VPS35L: variants seen among roughly 807,000 people sequenced by gnomAD.
VPS35L encodes VPS35 endosomal protein sorting factor like.
Under a neutral mutation model 133.0 loss-of-function variants are expected in VPS35L, and 83 were observed. The ratio of observed to expected loss-of-function variants is 0.62; its 90% confidence interval spans 0.52 to 0.75. The LOEUF (loss-of-function observed/expected upper bound fraction) is 0.75. Among genes scored for constraint, VPS35L ranks in the 30% least tolerant of loss-of-function variants. VPS35L has a pLI of 0.00. For synonymous variants in VPS35L, 423 were observed against 449.9 expected, an observed-to-expected ratio of 0.94 and a Z score of 0.76; for missense variants, 1,083 against 1,206.8, an observed-to-expected ratio of 0.90 and a Z score of 1.52.
At chr16:19,681,402 G>A (rs1232816100) in intron 27 of VPS35L, among the ~76,000 whole-genome samples, 1 of 152,172 alleles carries the variant, frequency 6.6e-6, no homozygotes, top group Admixed American at 6.5e-5. Flanking sequence ...CTGCCGCTGC[G>A]GGTTCCAATC....
At chr16:19,629,858 A>AT in intron 18 of VPS35L, 38 bp downstream of exon 18, 1 of 1,590,186 alleles carries the variant, frequency 6.3e-7, no homozygotes, top group African/African-American at 1.3e-5. Context: ...AAAGAATTAG[A>AT]TTTTTTCATG....
At position 19,669,213 on chromosome 16, in the gene VPS35L, A is replaced by C; in HGVS notation, c.2275A>C (p.Ile759Leu). 1 of 1,613,136 alleles carries C rather than the reference A, an allele frequency of 6.2e-7. No individual in the cohort carries two copies. The highest frequency in any genetic ancestry group is 2.2e-5 in the East Asian group (1 of 44,868). ...CCTTGTTCCGGAAGTTCCAAAGATG[A>C]TTAATATTGATGGGAAGATGCGGCC... is the stretch of plus-strand genomic sequence containing the variant. ...ISLVPEVPKM[I>L]NIDGKMRPSE... is the part of the protein sequence containing the mutation. The change falls in exon 27 of 31, where the codon ATT becomes CTT. Residue 759 changes from isoleucine to leucine, a missense_variant. By Grantham distance (5) the Ile-to-Leu change is conservative (BLOSUM62 2). Coordinates refer to ENST00000417362, the MANE Select transcript of VPS35L (RefSeq NM_020314.7).
At chr16:19,695,987 A>G (rs1975894270) in intron 29 of VPS35L, among the ~76,000 whole-genome samples, 1 of 151,978 alleles carries the variant, frequency 6.6e-6, no homozygotes, top group Admixed American at 6.6e-5. Flanking sequence ...CCCAGATTCA[A>G]GTGATTCTCC....
chr16:19,651,874 T>C, intron 25 of VPS35L, 102 bp from the exon 26 acceptor site: 2 of 848,918 alleles, frequency 2.4e-6, no homozygotes, highest in South Asian at 3.1e-5. Flanking sequence ...GGAGATTCAC[T>C]GTTGTAAGTT....
Position 19,699,607 on chromosome 16 carries a change from C to T in VPS35L, c.2752C>T (p.His918Tyr), listed in dbSNP as rs752436522. ...CAACCAGCTCTCCGTCAACCTGTGGCACCTGGCACAGAGGCACGGCTGTGC... is the reference window on the plus strand; with the variant it reads ...CAACCAGCTCTCCGTCAACCTGTGGTACCTGGCACAGAGGCACGGCTGTGC... ...KLNQLSVNLWHLAQRHGCADT... is the reference protein window; with the variant it reads ...KLNQLSVNLWYLAQRHGCADT... Residue 918 changes from histidine to tyrosine, a missense_variant, in exon 30 of 31, where the codon CAC (histidine) becomes TAC (tyrosine). Transcript: ENST00000417362. The surrounding 1 kb of genome is among the most constrained non-coding windows in gnomAD (Gnocchi z 4.2). 30 of 1,614,010 alleles carry T rather than the reference C, an allele frequency of 1.9e-5. No homozygotes were observed. Among genetic ancestry groups the T allele is most frequent in the Non-Finnish European group, 2.4e-5 (28 of 1,180,054 alleles).
At position 19,608,177 on chromosome 16, in the gene VPS35L, G is replaced by C; in HGVS notation, c.785-1G>C. The C allele has an allele frequency of 6.2e-7, 1 of 1,610,622 alleles. No individual in the cohort carries two copies. Among genetic ancestry groups the C allele is most frequent in the Non-Finnish European group, 8.5e-7 (1 of 1,176,970 alleles). On this transcript the variant is annotated splice_acceptor_variant, in intron 9 of 30. Transcript: ENST00000417362. LOFTEE classifies it high-confidence loss of function. ...GATGGATCTTGTTTTTTGTATTACAGATCACTTTTCTCCAGAGAATGCAAA... is the reference window on the plus strand; with the variant it reads ...GATGGATCTTGTTTTTTGTATTACACATCACTTTTCTCCAGAGAATGCAAA...
At chr16:19,656,189 A>G in intron 26 of VPS35L, among the ~76,000 whole-genome samples, 1 of 150,496 alleles carries the variant, frequency 6.6e-6, no homozygotes, top group East Asian at 2.0e-4. Context: ...GCTTGAACCC[A>G]GGAGGCAGAG....
chr16:19,682,444 G>A (rs1188063849), intron 28 of VPS35L, 54 bp downstream of exon 28: 2 of 1,547,906 alleles, frequency 1.3e-6, no homozygotes, highest in East Asian at 2.3e-5. Flanking sequence ...ATGAAAGGCA[G>A]ACAGAATGCT....
intron 2 of VPS35L, among the ~76,000 whole-genome samples, chr16:19,567,030 G>A (rs900576853): frequency 2.0e-5 from 3 of 152,044 alleles, no homozygotes; most frequent in African/African-American, 7.2e-5. Flanking sequence ...GGGATTACAG[G>A]TATGAGCCAC....
intron 8 of VPS35L, among the ~76,000 whole-genome samples, chr16:19,597,796 T>C (rs1972264221): frequency 6.6e-6 from 1 of 152,158 alleles, no homozygotes; most frequent in South Asian, 2.1e-4. Flanking sequence ...GTGTTCACTT[T>C]ATAAAAAAGG....
chr16:19,570,276 T>G (rs1185050618), intron 3 of VPS35L, among the ~76,000 whole-genome samples: 10 of 152,186 alleles, frequency 6.6e-5, no homozygotes, highest in Non-Finnish European at 1.5e-5. Context: ...TTGACCAGGC[T>G]GGTCTTGAAC....
At chr16:19,645,064 A>G (rs1208462573) in intron 23 of VPS35L, 115 bp downstream of exon 23, 1 of 645,380 alleles carries the variant, frequency 1.5e-6, no homozygotes, top group African/African-American at 1.9e-5. Context: ...TCTTAGTGAG[A>G]TAAAATGAAA....
intron 27 of VPS35L, among the ~76,000 whole-genome samples, chr16:19,672,804 A>G (rs1974921501): frequency 6.6e-6 from 1 of 152,242 alleles, no homozygotes; most frequent in Non-Finnish European, 1.5e-5. Context: ...GTGAGAAGGC[A>G]AAAGAAAAAA....
chr16:19,628,682 C>G lies in VPS35L; in HGVS notation c.1429C>G (p.Pro477Ala). 3 of 1,604,676 alleles carry G rather than the reference C, an allele frequency of 1.9e-6. No individual in the cohort carries two copies. The highest frequency in any genetic ancestry group is 1.7e-6 in the Non-Finnish European group (2 of 1,174,032). Residue 477 changes from proline (P) to alanine (A), a missense_variant, in exon 17 of 31, where the codon CCT (proline) becomes GCT (alanine). By Grantham distance (27) the Pro-to-Ala change is conservative. Coordinates refer to ENST00000417362, the MANE Select transcript of VPS35L (RefSeq NM_020314.7). ...SLGLNLALADPPESDRLQILN... is the reference protein window; with the variant it reads ...SLGLNLALADAPESDRLQILN... Reference sequence around the variant, plus strand: ...GGGATTAAACTTGGCCTTGGCTGATCCTCCTGAGAGTGACCGACTTCAGAT... The same window carrying G: ...GGGATTAAACTTGGCCTTGGCTGATGCTCCTGAGAGTGACCGACTTCAGAT...
chr16:19,568,361 A>C (rs7500037), intron 2 of VPS35L, among the ~76,000 whole-genome samples: 27,434 of 149,286 alleles, frequency 0.18, 3,132 homozygotes, highest in East Asian at 0.37. Flanking sequence ...GTGCAATGGC[A>C]CATTCTCAGC....
At chr16:19,595,891 A>G (rs1597342290) in intron 8 of VPS35L, among the ~76,000 whole-genome samples, 1 of 152,296 alleles carries the variant, frequency 6.6e-6, no homozygotes, top group Middle Eastern at 3.4e-3. Context: ...CATGCCTGTA[A>G]TCCCAGCACT....
intron 29 of VPS35L, among the ~76,000 whole-genome samples, chr16:19,698,082 G>A (rs1259157983): frequency 6.6e-6 from 1 of 152,214 alleles, no homozygotes; most frequent in Non-Finnish European, 1.5e-5. Flanking sequence ...AGCTGGGGCC[G>A]GCGTCTCTGT....
chr16:19,616,255 C>A, intron 13 of VPS35L, 64 bp downstream of exon 13: 1 of 1,449,026 alleles, frequency 6.9e-7, no homozygotes. Flanking sequence ...ATTCACAAAA[C>A]CCAGTTGGTT....
chr16:19,608,257 G>A lies in VPS35L; in HGVS notation c.864G>A (p.Arg288=). 6.2e-7 allele frequency: 1 copy of A among 1,605,564 alleles called. No individual in the cohort carries two copies. Among genetic ancestry groups the A allele is most frequent in the Non-Finnish European group, 8.5e-7 (1 of 1,173,300 alleles). The change falls in exon 10 of 31, where the codon AGG becomes AGA. Residue 288 remains arginine, a synonymous_variant. Coordinates refer to ENST00000417362, the MANE Select transcript of VPS35L (RefSeq NM_020314.7). The part of the protein sequence containing the change: ...LNWFFKIASI[R]ELIPRFYVEA... ...GGTTTTTCAAGATTGCCTCCATCAGGGAACTCATTCCAAGATTGTATCCTT... is the reference window on the plus strand; with the variant it reads ...GGTTTTTCAAGATTGCCTCCATCAGAGAACTCATTCCAAGATTGTATCCTT...
Sources: allele counts gnomAD v4.1 joint callset (sites outside exome capture counted in the v4.1 genomes callset), GRCh38; gene constraint gnomAD v4.1.1; non-coding constraint Gnocchi (gnomAD v3.1); transcripts MANE v1.5; gene names NCBI Gene and HGNC (gene_info 2026-07-23, HGNC 2026-07-21).